PDE3A: variants seen among roughly 807,000 people sequenced by gnomAD.
PDE3A encodes the protein phosphodiesterase 3A.
In PDE3A, 43 loss-of-function variants were observed where a neutral mutation model predicts 98.3. The observed-to-expected ratio is 0.44, with a 90% CI of 0.34 to 0.56. The LOEUF is 0.56. PDE3A is among the 20% of genes least tolerant of loss of function. The pLI, the probability that PDE3A is intolerant of heterozygous loss-of-function variation, is 0.01. For synonymous variants in PDE3A, 663 were observed against 567.9 expected, an observed-to-expected ratio of 1.17 and a Z score of -2.38; for missense variants, 1,427 against 1,440.7, an observed-to-expected ratio of 0.99 and a Z score of 0.15.
chr12:20,630,635 G>C (rs894785414), intron 6 of PDE3A, among the ~76,000 whole-genome samples: 2 of 152,090 alleles, frequency 1.3e-5, no homozygotes, highest in Non-Finnish European at 2.9e-5. Flanking sequence ...AATTGTATGT[G>C]CTATTCTATC....
At chr12:20,497,386 T>G (rs1221997714) in intron 1 of PDE3A, among the ~76,000 whole-genome samples, 4 of 151,706 alleles carry the variant, frequency 2.6e-5, no homozygotes, top group Non-Finnish European at 5.9e-5. Context: ...AATGAGTTCT[T>G]CATAATCTCT....
intron 15 of PDE3A, among the ~76,000 whole-genome samples, chr12:20,666,868 G>A (rs1156693739): frequency 6.6e-6 from 1 of 152,114 alleles, no homozygotes; most frequent in Non-Finnish European, 1.5e-5. Context: ...TTTCCATAGT[G>A]GCTATACCAA....
intron 2 of PDE3A, among the ~76,000 whole-genome samples, chr12:20,584,306 G>T (rs1331479995): frequency 6.6e-6 from 1 of 152,126 alleles, no homozygotes; most frequent in East Asian, 1.9e-4. Flanking sequence ...TACAGATTGT[G>T]ATCAATAGCC....
chr12:20,461,774 A>T (rs569414162), intron 1 of PDE3A, among the ~76,000 whole-genome samples: 5 of 152,324 alleles, frequency 3.3e-5, no homozygotes, highest in Admixed American at 1.3e-4. Context: ...AATTTTTCCC[A>T]GTTGGTTTAC....
intron 1 of PDE3A, among the ~76,000 whole-genome samples, chr12:20,449,094 A>C (rs1192891701): frequency 6.6e-6 from 1 of 152,202 alleles, no homozygotes; most frequent in African/African-American, 2.4e-5. Flanking sequence ...AATGTATTGC[A>C]TAGCAGCCAA....
intron 9 of PDE3A, among the ~76,000 whole-genome samples, chr12:20,639,036 T>C (rs1184260008): frequency 6.6e-6 from 1 of 152,110 alleles, no homozygotes; most frequent in African/African-American, 2.4e-5. Context: ...ATAAAACACC[T>C]TGACTTATTA....
intron 1 of PDE3A, among the ~76,000 whole-genome samples, chr12:20,411,404 C>CT (rs916802940): frequency 6.6e-6 from 1 of 152,032 alleles, no homozygotes. Flanking sequence ...CAGTATGTGT[C>CT]TTTTTTTGTG....
chr12:20,394,159 T>C (rs1236223139), intron 1 of PDE3A, among the ~76,000 whole-genome samples: 2 of 152,128 alleles, frequency 1.3e-5, no homozygotes, highest in African/African-American at 4.8e-5. Flanking sequence ...GAAATATTCT[T>C]GCAAGAGGCA....
intron 1 of PDE3A, among the ~76,000 whole-genome samples, chr12:20,545,639 A>G (rs185470337): frequency 1.2e-3 from 177 of 152,082 alleles, no homozygotes; most frequent in Non-Finnish European, 1.5e-3. Flanking sequence ...AATACAGGAG[A>G]AAGCTAAATT....
intron 5 of PDE3A, among the ~76,000 whole-genome samples, chr12:20,629,451 G>A (rs1944333572): frequency 6.6e-6 from 1 of 152,100 alleles, no homozygotes; most frequent in African/African-American, 2.4e-5. Flanking sequence ...CATATTTTAA[G>A]CATCTGATGC....
At chr12:20,672,236 T>C (rs1383349535) in intron 15 of PDE3A, among the ~76,000 whole-genome samples, 3 of 148,112 alleles carry the variant, frequency 2.0e-5, no homozygotes, top group African/African-American at 7.6e-5. Flanking sequence ...TGCTCATGGG[T>C]AGGAAGAATC....
At chr12:20,548,427 A>C (rs971683828) in intron 1 of PDE3A, among the ~76,000 whole-genome samples, 5 of 152,008 alleles carry the variant, frequency 3.3e-5, no homozygotes, top group Non-Finnish European at 7.4e-5. Flanking sequence ...TTTTTTATAG[A>C]TGGTGAGAGA....
chr12:20,661,090 T>G (rs953040217), intron 15 of PDE3A, among the ~76,000 whole-genome samples: 2 of 152,150 alleles, frequency 1.3e-5, no homozygotes, highest in Non-Finnish European at 2.9e-5. Context: ...TGGTCTCAGA[T>G]GGAGATGAGG....
At chr12:20,587,642 A>G (rs1042517094) in intron 2 of PDE3A, among the ~76,000 whole-genome samples, 10 of 152,210 alleles carry the variant, frequency 6.6e-5, no homozygotes, top group Non-Finnish European at 1.0e-4. Flanking sequence ...TCAACTTCGG[A>G]AAATATATAA....
chr12:20,390,293 A>C (rs1943888962), intron 1 of PDE3A, among the ~76,000 whole-genome samples: 1 of 151,828 alleles, frequency 6.6e-6, no homozygotes, highest in Admixed American at 6.6e-5. Flanking sequence ...ATATTTTTTA[A>C]CCAAAGAGTG....
rs558320379 is a variant in PDE3A, at chr12:20,621,427, G to A, written c.1540+16G>A. 151 of 1,322,510 alleles carry A rather than the reference G, an allele frequency of 1.1e-4. 1 individual carries two copies. The Admixed American group carries it at 2.5e-3, about 22-fold the overall frequency. The allele number at this position is 1,322,510 out of a possible 1,614,324, so 81.9% of individuals were successfully genotyped here. ...AGTCGACCAGGTAAGTAACTTAACT[G>A]GAGAAGGGTTCATACTGTGAGTGTG... On this transcript the variant is annotated intron_variant, in intron 5 of 15. Coordinates refer to ENST00000359062, the MANE Select transcript of PDE3A (RefSeq NM_000921.5).
At chr12:20,540,098 A>T (rs1941854365) in intron 1 of PDE3A, among the ~76,000 whole-genome samples, 1 of 152,140 alleles carries the variant, frequency 6.6e-6, no homozygotes, top group African/African-American at 2.4e-5. Flanking sequence ...TAAAAGCCTG[A>T]AAAGAAGATA....
At chr12:20,406,671 A>C (rs1356961209) in intron 1 of PDE3A, among the ~76,000 whole-genome samples, 3 of 152,078 alleles carry the variant, frequency 2.0e-5, no homozygotes, top group Non-Finnish European at 1.5e-5. Flanking sequence ...TTTTCATTTC[A>C]TTGATCACTT....
At chr12:20,631,279 T>C (rs1421628159) in intron 6 of PDE3A, among the ~76,000 whole-genome samples, 2 of 152,172 alleles carry the variant, frequency 1.3e-5, no homozygotes, top group Admixed American at 6.6e-5. Flanking sequence ...GCAAGTTCTG[T>C]AGTAAAATAT....
Sources: allele counts gnomAD v4.1 joint callset (sites outside exome capture counted in the v4.1 genomes callset), GRCh38; gene constraint gnomAD v4.1.1; transcripts MANE v1.5; gene names NCBI Gene and HGNC (gene_info 2026-07-23, HGNC 2026-07-21).